The following ZNF385A variants were observed in gnomAD, a reference collection of about 807,000 sequenced individuals.
The protein encoded by ZNF385A is hematopoietic zinc finger protein.
A neutral mutation model predicts 32.1 loss-of-function variants in ZNF385A; 14 were observed. That is an observed-to-expected ratio of 0.44 (90% CI 0.29 to 0.68). ZNF385A has a LOEUF of 0.68. ZNF385A is among the 30% of genes least tolerant of loss of function. The probability of loss-of-function intolerance (pLI) is 0.14; values close to 1 mark genes in which losing one functional copy is unlikely to be tolerated. For missense variants in ZNF385A, 406 were observed against 478.4 expected (o/e 0.85, Z 1.41); for synonymous variants, 197 against 202.7 (o/e 0.97, Z 0.24).
intron 1 of ZNF385A, among the ~76,000 whole-genome samples, chr12:54,390,966 A>G (rs968918039): frequency 6.6e-6 from 1 of 151,904 alleles, no homozygotes; most frequent in Non-Finnish European, 1.5e-5. Flanking sequence ...ATGAATACGC[A>G]ATGTTCTAAT....
At chr12:54,384,303 A>C (rs2137289341) in intron 1 of ZNF385A, 125 bp downstream of exon 1, 3 of 1,193,588 alleles carry the variant, frequency 2.5e-6, no homozygotes. Context: ...ATTAACTAGA[A>C]TTAAGGAAGA....
chr12:54,382,850 AT>A (rs1384342964), intron 1 of ZNF385A, among the ~76,000 whole-genome samples: 2 of 151,512 alleles, frequency 1.3e-5, no homozygotes, highest in African/African-American at 2.4e-5. Flanking sequence ...TTTAAAAAAA[AT>A]ATTTATTATT....
chr12:54,384,465 G>A lies in ZNF385A; in HGVS notation c.50C>T (p.Pro17Leu), dbSNP rs767988700. ...LKQILPFPLE[P>L]APTLGLFSNY... ...GCTGAAGAGGCCAAGGGTAGGGGCT[G>A]GCTCGAGTGGGAAGGGCAGGATCTG... is the stretch of plus-strand genomic sequence containing the variant. The change falls in exon 1 of 7, where the codon CCA becomes CTA. Residue 17 changes from proline to leucine, a missense_variant. Transcript: ENST00000394313. 7 of 1,591,024 alleles carry A rather than the reference G, an allele frequency of 4.4e-6. No individual in the cohort carries two copies. The highest frequency in any genetic ancestry group is 4.3e-6 in the Non-Finnish European group (5 of 1,169,500).
intron 1 of ZNF385A, among the ~76,000 whole-genome samples, chr12:54,377,487 G>A (rs992857234): frequency 6.6e-6 from 1 of 152,196 alleles, no homozygotes; most frequent in African/African-American, 2.4e-5. Flanking sequence ...TGGGTGGAGT[G>A]TGAATAAGTG....
At chr12:54,380,412 C>T (rs527861624) in intron 1 of ZNF385A, among the ~76,000 whole-genome samples, 3 of 152,302 alleles carry the variant, frequency 2.0e-5, no homozygotes, top group East Asian at 3.9e-4. Flanking sequence ...TAGTAAGTGA[C>T]TGAACTGGGA....
At chr12:54,383,252 C>G (rs908432702) in intron 1 of ZNF385A, among the ~76,000 whole-genome samples, 2 of 152,190 alleles carry the variant, frequency 1.3e-5, no homozygotes, top group African/African-American at 4.8e-5. Context: ...GACCAGCTTC[C>G]TCTTCCAACC....
Position 54,370,466 on chromosome 12 carries a change from C to T in ZNF385A, c.891G>A (p.Lys297=). Residue 297 remains lysine, a synonymous_variant, in exon 7 of 7, where the codon AAG becomes AAA. Transcript: ENST00000394313. The surrounding 1 kb of genome is among the most constrained non-coding windows in gnomAD (Gnocchi z 5.5). The part of the protein sequence containing the change: ...GELAGTLTFS[K]ELPKSLAGGL... The stretch of plus-strand genomic sequence containing the variant: ...CGCCCGCCAGGGACTTGGGCAGCTC[C>T]TTGGAGAAAGTCAGCGTGCCCTGAA... 6.4e-7 allele frequency: 1 copy of T among 1,551,268 alleles called. No individual in the cohort carries two copies. The highest frequency in any genetic ancestry group is 8.7e-7 in the Non-Finnish European group (1 of 1,146,822).
At position 54,371,541 on chromosome 12, in the gene ZNF385A, C is replaced by A; in HGVS notation, c.536G>T (p.Arg179Leu). Reference sequence around the variant, plus strand: ...CTTGCACAGAGCACAGTAGAGCAGCCGCTTGGCTTTCTCCTCCTCTTCCTT... The same window carrying A: ...CTTGCACAGAGCACAGTAGAGCAGCAGCTTGGCTTTCTCCTCCTCTTCCTT... ...GSKEEEEKAK[R>L]LLYCALCKVA... The change falls in exon 4 of 7, where the codon CGG becomes CTG. Residue 179 changes from arginine to leucine, a missense_variant. Arg to Leu is a moderately radical substitution (Grantham distance 102, BLOSUM62 -2). Coordinates refer to ENST00000394313, the MANE Select transcript of ZNF385A (RefSeq NM_015481.3). 1 of 1,613,568 alleles carries A rather than the reference C, an allele frequency of 6.2e-7. No homozygotes were observed. The highest frequency in any genetic ancestry group is 8.5e-7 in the Non-Finnish European group (1 of 1,179,826).
intron 3 of ZNF385A, chr12:54,373,125 C>CTGTG (rs60672533): frequency 0.095 from 13,188 of 138,908 alleles, 702 homozygotes; most frequent in Admixed American, 0.13. Flanking sequence ...TGAGGGGGTT[C>CTGTG]TGTGTGTGTG....
At chr12:54,389,014 A>G (rs1955568479), upstream of ZNF385A, among the ~76,000 whole-genome samples, 1 of 152,146 alleles carries the variant, frequency 6.6e-6, no homozygotes, top group African/African-American at 2.4e-5. Flanking sequence ...CTGGGCCTAG[A>G]GGGAGTAGTT....
At chr12:54,383,544 T>C (rs1955307818) in intron 1 of ZNF385A, among the ~76,000 whole-genome samples, 2 of 152,202 alleles carry the variant, frequency 1.3e-5, no homozygotes, top group Non-Finnish European at 2.9e-5. Context: ...TTTCATCCAG[T>C]TGCCCCACTC....
upstream of ZNF385A, chr12:54,384,807 CT>C: frequency 8.1e-7 from 1 of 1,228,720 alleles, no homozygotes; most frequent in Non-Finnish European, 1.0e-6. Flanking sequence ...CTTTTCCAGC[CT>C]CCCTCCCCCA....
intron 1 of ZNF385A, among the ~76,000 whole-genome samples, chr12:54,376,206 A>G (rs1954842911): frequency 6.6e-6 from 1 of 152,156 alleles, no homozygotes; most frequent in African/African-American, 2.4e-5. Flanking sequence ...ACGTCACACC[A>G]TGAGTTAATA....
intron 1 of ZNF385A, among the ~76,000 whole-genome samples, chr12:54,390,416 G>A (rs543296078): frequency 4.3e-4 from 66 of 152,206 alleles, no homozygotes; most frequent in Non-Finnish European, 7.8e-4. Context: ...GAGCCCAGCA[G>A]GAGTTCCCAT....
intron 1 of ZNF385A, among the ~76,000 whole-genome samples, chr12:54,378,688 C>G (rs1954970666): frequency 6.6e-6 from 1 of 151,892 alleles, no homozygotes; most frequent in Admixed American, 6.6e-5. Flanking sequence ...AGAGAGGGAG[C>G]TAGGGGGTAT....
intron 1 of ZNF385A, among the ~76,000 whole-genome samples, chr12:54,390,627 CCCA>C (rs1024899706): frequency 1.4e-5 from 2 of 147,280 alleles, no homozygotes. Context: ...TGGACAGTTT[CCCA>C]CCCCCTATTT....
At chr12:54,384,883 C>A, upstream of ZNF385A, 3 of 1,086,666 alleles carry the variant, frequency 2.8e-6, no homozygotes, top group South Asian at 9.0e-5. Context: ...GCCTGCTGAA[C>A]CAGCAGGACT....
At chr12:54,385,584 G>A (rs995852698), upstream of ZNF385A, 8 of 962,382 alleles carry the variant, frequency 8.3e-6, no homozygotes, top group Middle Eastern at 5.3e-4. Flanking sequence ...AGGAGGCTGC[G>A]TGCTTGGCCC....
chr12:54,386,587 C>T (rs1384606197), upstream of ZNF385A, among the ~76,000 whole-genome samples: 2 of 152,160 alleles, frequency 1.3e-5, no homozygotes, highest in East Asian at 1.9e-4. Context: ...CTTAATGAGC[C>T]CCAGGCGGCA....
Sources: allele counts gnomAD v4.1 joint callset (sites outside exome capture counted in the v4.1 genomes callset), GRCh38; gene constraint gnomAD v4.1.1; non-coding constraint Gnocchi (gnomAD v3.1); transcripts MANE v1.5; gene names NCBI Gene and HGNC (gene_info 2026-07-23, HGNC 2026-07-21).